Variants in OR10W1 observed in about 807,000 individuals in gnomAD.
OR10W1 encodes olfactory receptor 10W1.
For synonymous variants in OR10W1, 152 were observed against 151.6 expected, an observed-to-expected ratio of 1.00 and a Z score of -0.02; for missense variants, 406 against 365.8, an observed-to-expected ratio of 1.11 and a Z score of -0.90.
rs1449252726 is a variant in OR10W1, at chr11:58,267,839, G to A, written c.20C>T (p.Ala7Val). MEFVFL[A>V]YPSCPELHIL... ...ATGCAGTTCTGGGCAGGAGGGATAG[G>A]CCAGGAACACAAATTCCATCAACAC... The change falls in exon 1 of 1, where the codon GCC becomes GTC. Residue 7 changes from alanine to valine, a missense_variant. Coordinates refer to ENST00000395079, the MANE Select transcript of OR10W1 (RefSeq NM_207374.3). The A allele has an allele frequency of 6.2e-7, 1 of 1,613,368 alleles. No individual in the cohort carries two copies. Among genetic ancestry groups the A allele is most frequent in the Non-Finnish European group, 8.5e-7 (1 of 1,179,504 alleles).
In OR10W1 at chr11:58,267,131, T is replaced by C. The variant is rs763271556; in HGVS notation, c.728A>G (p.Tyr243Cys). ...SSHLTVVLLQ[Y>C]GCCAFMYLCP... The stretch of plus-strand genomic sequence containing the variant: ...CAGGTACATGAAGGCACAGCAGCCA[T>C]ACTGCAGCAGCACCACAGTGAGGTG... The change falls in exon 1 of 1, where the codon TAT becomes TGT. Residue 243 changes from tyrosine to cysteine, a missense_variant. Coordinates refer to ENST00000395079, the MANE Select transcript of OR10W1 (RefSeq NM_207374.3). The C allele has an allele frequency of 1.5e-5, 24 of 1,613,988 alleles. No homozygotes were observed. The highest frequency in any genetic ancestry group is 1.9e-5 in the Non-Finnish European group (22 of 1,180,008).
chr11:58,267,093 T>C lies in OR10W1; in HGVS notation c.766A>G (p.Ser256Gly). The C allele has an allele frequency of 6.2e-7, 1 of 1,614,136 alleles. No individual in the cohort carries two copies. The highest frequency in any genetic ancestry group is 1.3e-5 in the African/African-American group (1 of 75,060). The change falls in exon 1 of 1, where the codon AGC becomes GGC. Residue 256 changes from serine (S) to glycine (G), a missense_variant. By Grantham distance (56) the Ser-to-Gly change is moderately conservative. Transcript: ENST00000395079. ...AACCGATCTTGCTTGGGGTTGTAGC[T>C]GGAGCTGGGGCACAGGTACATGAAG... ...CAFMYLCPSS[S>G]YNPKQDRFIS...
At position 58,267,398 on chromosome 11, in the gene OR10W1, A is replaced by T; in HGVS notation, c.461T>A (p.Ile154Asn). The T allele has an allele frequency of 6.2e-7, 1 of 1,613,800 alleles. No homozygotes were observed. ...LFLSLQLVAF[I>N]FSLPFCQAQG... is the part of the protein sequence containing the mutation. ...AGCCTGGCAGAATGGCAGAGAGAAG[A>T]TGAAGGCCACCAGTTGTAAGGACAG... is the stretch of plus-strand genomic sequence containing the variant. The change falls in exon 1 of 1, where the codon ATC becomes AAC. Residue 154 changes from isoleucine to asparagine, a missense_variant. Transcript: ENST00000395079.
rs768438369 is a variant in OR10W1, at chr11:58,267,819, G to A, written c.40C>T (p.Leu14=). The A allele has an allele frequency of 2.5e-6, 4 of 1,614,144 alleles. No individual in the cohort carries two copies. The highest frequency in any genetic ancestry group is 3.4e-6 in the Non-Finnish European group (4 of 1,179,988). ...VFLAYPSCPE[L]HILSFLGVSL... ...ACCCCAAGGAAGGACAGAATATGCA[G>A]TTCTGGGCAGGAGGGATAGGCCAGG... is the stretch of plus-strand genomic sequence containing the variant. Residue 14 remains leucine (L), a synonymous_variant, in exon 1 of 1, where the codon CTG becomes TTG. Transcript: ENST00000395079.
In OR10W1 at chr11:58,267,158, G is replaced by C; in HGVS notation, c.701C>G (p.Ser234Cys). ...CTGCAGCAGCACCACAGTGAGGTGG[G>C]AAGAGCAGGTGGAGAAGGCCCGGTG... ...GRHRAFSTCS[S>C]HLTVVLLQYG... Residue 234 changes from serine to cysteine, a missense_variant, in exon 1 of 1, where the codon TCC becomes TGC. Transcript: ENST00000395079. 6.2e-7 allele frequency: 1 copy of C among 1,614,186 alleles called. No individual in the cohort carries two copies. Among genetic ancestry groups the C allele is most frequent in the East Asian group, 2.2e-5 (1 of 44,878 alleles).
chr11:58,267,663 C>T lies in OR10W1; in HGVS notation c.196G>A (p.Ala66Thr). 1 of 1,614,106 alleles carries T rather than the reference C, an allele frequency of 6.2e-7. No individual in the cohort carries two copies. Among genetic ancestry groups the T allele is most frequent in the South Asian group, 1.1e-5 (1 of 91,078 alleles). ...GCCAGGATATGGGGCACCACCACTG[C>T]AGTGTAGCATATTTCAATCCCAGAA... The part of the protein sequence containing the change: ...SLSGIEICYT[A>T]VVVPHILANT... The change falls in exon 1 of 1, where the codon GCA becomes ACA. Residue 66 changes from alanine to threonine, a missense_variant. Physicochemically the swap from Ala to Thr is moderately conservative, Grantham distance 58. Coordinates refer to ENST00000395079, the MANE Select transcript of OR10W1 (RefSeq NM_207374.3).
Position 58,267,904 on chromosome 11 carries a change from C to T in OR10W1, c.-46G>A, listed in dbSNP as rs1225983066. ...AGGTAATTGAGCTAACAGTATTTCT[C>T]TGTGGAGAGCTACAAGTACAGAAGG... On this transcript the variant is annotated 5_prime_UTR_variant, in exon 1 of 1. Transcript: ENST00000395079. 2 of 1,347,012 alleles carry T rather than the reference C, an allele frequency of 1.5e-6. No homozygotes were observed. Among genetic ancestry groups the T allele is most frequent in the Non-Finnish European group, 2.1e-6 (2 of 950,652 alleles). 83.4% of individuals were successfully genotyped at this position (1,347,012 alleles called of 1,614,324 possible). A position where few individuals can be genotyped will look rare whatever the true frequency, so the allele number is the denominator to read the frequency against.
In OR10W1 at chr11:58,267,311, C is replaced by T. The variant is rs372349811; in HGVS notation, c.548G>A (p.Ser183Asn). 6 of 1,613,974 alleles carry T rather than the reference C, an allele frequency of 3.7e-6. No individual in the cohort carries two copies. The African/African-American group carries it at 8.0e-5, about 22-fold the overall frequency. Residue 183 changes from serine to asparagine, a missense_variant, in exon 1 of 1, where the codon AGT becomes AAT. Ser to Asn is a conservative substitution (Grantham distance 46, BLOSUM62 1). Transcript: ENST00000395079. ...PPVMHVVCAQ[S>N]HIHEQSVLVA... is the part of the protein sequence containing the mutation. Reference sequence around the variant, plus strand: ...CAGCACTGACTGCTCATGAATGTGACTCTGAGCACAAACAACATGCATGAC... The same window carrying T: ...CAGCACTGACTGCTCATGAATGTGATTCTGAGCACAAACAACATGCATGAC...
rs752718447 is a variant in OR10W1, at chr11:58,267,154, G to A, written c.705C>T (p.His235=). Residue 235 remains histidine, a synonymous_variant, in exon 1 of 1, where the codon CAC becomes CAT. Transcript: ENST00000395079. ...RHRAFSTCSS[H]LTVVLLQYGC... ...CATACTGCAGCAGCACCACAGTGAG[G>A]TGGGAAGAGCAGGTGGAGAAGGCCC... 6 of 1,614,068 alleles carry A rather than the reference G, an allele frequency of 3.7e-6. No individual in the cohort carries two copies. In the African/African-American group the frequency reaches 6.7e-5, roughly 18 times the overall value.
rs1047400706 is a variant in OR10W1 at position 58,267,088 on chromosome 11, G to C, written c.771C>G (p.Tyr257Ter). 2 of 1,614,044 alleles carry C rather than the reference G, an allele frequency of 1.2e-6. No homozygotes were observed. Among genetic ancestry groups the C allele is most frequent in the African/African-American group, 2.7e-5 (2 of 74,934 alleles). The stretch of plus-strand genomic sequence containing the variant: ...AGATGAACCGATCTTGCTTGGGGTT[G>C]TAGCTGGAGCTGGGGCACAGGTACA... ...AFMYLCPSSS[Y>*]NPKQDRFISL... Residue 257 changes from tyrosine (Y) to a stop codon, truncating the protein, a stop_gained, in exon 1 of 1, where the codon TAC becomes TAG. Coordinates refer to ENST00000395079, the MANE Select transcript of OR10W1 (RefSeq NM_207374.3). LOFTEE classifies it low-confidence loss of function (END_TRUNC).
At position 58,267,781 on chromosome 11, in the gene OR10W1, A is replaced by G. The variant is rs376046325; in HGVS notation, c.78T>C (p.Tyr26=). ...GAATGTTCCCAGTGATGATCAAACC[A>G]TAAACCAGGCTGACCCCAAGGAAGG... The part of the protein sequence containing the change: ...ILSFLGVSLV[Y]GLIITGNILI... Residue 26 remains tyrosine (Y), a synonymous_variant, in exon 1 of 1, where the codon TAT becomes TAC. Transcript: ENST00000395079. The G allele has an allele frequency of 4.3e-6, 7 of 1,614,040 alleles. No homozygotes were observed. Among genetic ancestry groups the G allele is most frequent in the South Asian group, 1.1e-5 (1 of 91,088 alleles).
In OR10W1 at chr11:58,267,472, C is replaced by T; in HGVS notation, c.387G>A (p.Leu129=). The change falls in exon 1 of 1, where the codon TTG becomes TTA. Residue 129 remains leucine, a synonymous_variant. Coordinates refer to ENST00000395079, the MANE Select transcript of OR10W1 (RefSeq NM_207374.3). ...HPLQYPLLMT[L]TLCVHLVVAS... The stretch of plus-strand genomic sequence containing the variant: ...CCACAACCAAGTGGACACAAAGAGT[C>T]AATGTCATGAGGAGAGGGTACTGCA... 1 of 1,614,010 alleles carries T rather than the reference C, an allele frequency of 6.2e-7. No homozygotes were observed. The highest frequency in any genetic ancestry group is 8.5e-7 in the Non-Finnish European group (1 of 1,179,964).
At position 58,267,850 on chromosome 11, in the gene OR10W1, A is replaced by G. The variant is rs1853564457; in HGVS notation, c.9T>C (p.Phe3=). The G allele has an allele frequency of 1.2e-6, 2 of 1,611,932 alleles. No homozygotes were observed. The highest frequency in any genetic ancestry group is 8.5e-7 in the Non-Finnish European group (1 of 1,178,578). Residue 3 remains phenylalanine (F), a synonymous_variant, in exon 1 of 1, where the codon TTT becomes TTC. Transcript: ENST00000395079. ...GGCAGGAGGGATAGGCCAGGAACAC[A>G]AATTCCATCAACACTGAGTGATTTT... ME[F]VFLAYPSCPE...
Position 58,267,582 on chromosome 11 carries a change from C to A in OR10W1, c.277G>T (p.Ala93Ser), listed in dbSNP as rs752141440. 20 of 1,614,172 alleles carry A rather than the reference C, an allele frequency of 1.2e-5. No homozygotes were observed. The highest frequency in any genetic ancestry group is 1.7e-5 in the Non-Finnish European group (20 of 1,180,040). The change falls in exon 1 of 1, where the codon GCT becomes TCT. Residue 93 changes from alanine to serine, a missense_variant. Physicochemically the swap from Ala to Ser is moderately conservative, Grantham distance 99. Coordinates refer to ENST00000395079, the MANE Select transcript of OR10W1 (RefSeq NM_207374.3). The stretch of plus-strand genomic sequence containing the variant: ...GCACTGCCCAGTGCAATGAAGAAAG[C>A]CATCTGGGTGGCACAGCCCAGGAGA... ...ITLLGCATQM[A>S]FFIALGSADC...
Position 58,267,101 on chromosome 11 carries a change from G to A in OR10W1, c.758C>T (p.Pro253Leu). ...TTGCTTGGGGTTGTAGCTGGAGCTG[G>A]GGCACAGGTACATGAAGGCACAGCA... ...YGCCAFMYLC[P>L]SSSYNPKQDR... is the part of the protein sequence containing the mutation. Residue 253 changes from proline to leucine, a missense_variant, in exon 1 of 1, where the codon CCC becomes CTC. Pro to Leu is a moderately conservative substitution (Grantham distance 98). Coordinates refer to ENST00000395079, the MANE Select transcript of OR10W1 (RefSeq NM_207374.3). The A allele has an allele frequency of 1.9e-6, 3 of 1,614,154 alleles. No individual in the cohort carries two copies. The South Asian group carries it at 3.3e-5, about 18-fold the overall frequency.
In OR10W1 at chr11:58,267,293, G is replaced by A; in HGVS notation, c.566C>T (p.Ser189Leu). 6.2e-7 allele frequency: 1 copy of A among 1,614,108 alleles called. No homozygotes were observed. The highest frequency in any genetic ancestry group is 1.3e-5 in the African/African-American group (1 of 75,056). ...GGCTAGTATGGCTGCCACCAGCACT[G>A]ACTGCTCATGAATGTGACTCTGAGC... ...VCAQSHIHEQ[S>L]VLVAAILAIA... The change falls in exon 1 of 1, where the codon TCA (serine) becomes TTA (leucine). Residue 189 changes from serine (S) to leucine (L), a missense_variant. Physicochemically the swap from Ser to Leu is moderately radical, Grantham distance 145 (BLOSUM62 -2). Coordinates refer to ENST00000395079, the MANE Select transcript of OR10W1 (RefSeq NM_207374.3).
chr11:58,267,475 T>C lies in OR10W1; in HGVS notation c.384A>G (p.Thr128=). 5 of 1,613,954 alleles carry C rather than the reference T, an allele frequency of 3.1e-6. No individual in the cohort carries two copies. The highest frequency in any genetic ancestry group is 4.2e-6 in the Non-Finnish European group (5 of 1,179,984). The change falls in exon 1 of 1, where the codon ACA becomes ACG. Residue 128 remains threonine, a synonymous_variant. Transcript: ENST00000395079. ...CAACCAAGTGGACACAAAGAGTCAA[T>C]GTCATGAGGAGAGGGTACTGCAACG... ...CHPLQYPLLM[T]LTLCVHLVVA...
chr11:58,267,693 T>A lies in OR10W1; in HGVS notation c.166A>T (p.Ser56Cys), dbSNP rs768206738. 10 of 1,614,182 alleles carry A rather than the reference T, an allele frequency of 6.2e-6. No homozygotes were observed. Among genetic ancestry groups the A allele is most frequent in the Admixed American group, 1.7e-5 (1 of 60,008 alleles). ...TAGCATATTTCAATCCCAGAAAGGC[T>A]GCCCAGGAAATAGTACATGGATGTG... Reference protein sequence around the residue: ...LCTSMYYFLGSLSGIEICYTA... With the variant: ...LCTSMYYFLGCLSGIEICYTA... The change falls in exon 1 of 1, where the codon AGC becomes TGC. Residue 56 changes from serine (S) to cysteine (C), a missense_variant. Ser to Cys is a moderately radical substitution (Grantham distance 112, BLOSUM62 -1). Coordinates refer to ENST00000395079, the MANE Select transcript of OR10W1 (RefSeq NM_207374.3).
At position 58,268,077 on chromosome 11, in the gene OR10W1, C is replaced by T. The variant is rs753543703; in HGVS notation, c.-219G>A. ...TTTCTCCACATTAATATCTACACCT[C>T]AATTTCTACCTGCCAAGAGTTGGGC... On this transcript the variant is annotated 5_prime_UTR_variant, in exon 1 of 1. Coordinates refer to ENST00000395079, the MANE Select transcript of OR10W1 (RefSeq NM_207374.3). 1.9e-6 allele frequency: 1 copy of T among 536,618 alleles called. No individual in the cohort carries two copies. The highest frequency in any genetic ancestry group is 3.4e-6 in the Non-Finnish European group (1 of 293,252). 33.2% of individuals were successfully genotyped at this position (536,618 alleles called of 1,614,324 possible). A position where few individuals can be genotyped will look rare whatever the true frequency, so the allele number is the denominator to read the frequency against.
Sources: allele counts gnomAD v4.1 joint callset, GRCh38; gene constraint gnomAD v4.1.1; transcripts MANE v1.5; gene names NCBI Gene and HGNC (gene_info 2026-07-23, HGNC 2026-07-21).